The following PPFIA2 variants were observed in gnomAD, a reference collection of about 807,000 sequenced individuals.
PPFIA2 encodes PPFI scaffold protein A2, also known as liprin-alpha-2.
In PPFIA2, 46 loss-of-function variants were observed where a neutral mutation model predicts 175.5. That is an observed-to-expected ratio of 0.26 (90% CI 0.21 to 0.34). PPFIA2 has a LOEUF of 0.34. Among genes scored for constraint, PPFIA2 ranks in the 10% least tolerant of loss-of-function variants. PPFIA2 has a pLI of 1.00. For synonymous variants in PPFIA2, 568 were observed against 511.4 expected, an observed-to-expected ratio of 1.11 and a Z score of -1.49; for missense variants, 1,179 against 1,506.1, an observed-to-expected ratio of 0.78 and a Z score of 3.60.
At chr12:81,465,810 T>C (rs1265739208) in intron 4 of PPFIA2, among the ~76,000 whole-genome samples, 1 of 152,180 alleles carries the variant, frequency 6.6e-6, no homozygotes, top group Non-Finnish European at 1.5e-5. Context: ...CTACACTTAG[T>C]ATATTTGCTG....
At chr12:81,267,728 ATTTTTT>A (rs137975780) in intron 29 of PPFIA2, among the ~76,000 whole-genome samples, 178 bp downstream of exon 29, 8 of 77,774 alleles carry the variant, frequency 1.0e-4, no homozygotes, top group African/African-American at 3.1e-4. Flanking sequence ...TAATTGTATG[ATTTTTT>A]TTTTTTTTTT....
chr12:81,351,397 A>G (rs937597727), intron 17 of PPFIA2, among the ~76,000 whole-genome samples: 4 of 152,126 alleles, frequency 2.6e-5, no homozygotes, highest in African/African-American at 4.8e-5. Flanking sequence ...TATGTCCCCA[A>G]AATGCTAGGG....
intron 4 of PPFIA2, among the ~76,000 whole-genome samples, chr12:81,618,537 T>C (rs1384866973): frequency 6.8e-6 from 1 of 147,380 alleles, no homozygotes; most frequent in Non-Finnish European, 1.5e-5. Flanking sequence ...TTTTTTTTTT[T>C]TTTTTTTTTG....
At chr12:81,626,238 C>G (rs549967298) in intron 4 of PPFIA2, among the ~76,000 whole-genome samples, 3 of 151,794 alleles carry the variant, frequency 2.0e-5, no homozygotes, top group East Asian at 1.9e-4. Flanking sequence ...GATGGGGGCT[C>G]TAAAGCTATC....
intron 4 of PPFIA2, 78 bp downstream of exon 4, chr12:81,676,713 A>G: frequency 1.0e-6 from 1 of 981,058 alleles, no homozygotes; most frequent in Non-Finnish European, 1.4e-6. Flanking sequence ...CAAATAATAT[A>G]CAAGCAATCA....
At chr12:81,294,707 A>G in intron 24 of PPFIA2, 128 bp downstream of exon 24, 1 of 865,312 alleles carries the variant, frequency 1.2e-6, no homozygotes, top group Non-Finnish European at 1.8e-6. Context: ...AATAAAGAGC[A>G]AGCTTAATCT....
At chr12:81,707,938 C>G (rs1474665565) in intron 3 of PPFIA2, among the ~76,000 whole-genome samples, 14 of 148,928 alleles carry the variant, frequency 9.4e-5, no homozygotes, top group Non-Finnish European at 1.5e-5. Context: ...AACCAAACAT[C>G]ACATATTCTC....
At chr12:81,395,683 G>A (rs769402986) in intron 8 of PPFIA2, among the ~76,000 whole-genome samples, 6 of 152,048 alleles carry the variant, frequency 3.9e-5, no homozygotes, top group Non-Finnish European at 7.4e-5. Flanking sequence ...GAAATTGGGA[G>A]TCGTCATGCC....
intron 4 of PPFIA2, among the ~76,000 whole-genome samples, chr12:81,554,487 CTTA>C (rs2068494858): frequency 6.6e-6 from 1 of 151,956 alleles, no homozygotes; most frequent in Non-Finnish European, 1.5e-5. Flanking sequence ...TTCCAATTTT[CTTA>C]TTATAATGGA....
chr12:81,541,011 C>T (rs2066129997), intron 4 of PPFIA2, among the ~76,000 whole-genome samples: 1 of 152,028 alleles, frequency 6.6e-6, no homozygotes, highest in Non-Finnish European at 1.5e-5. Context: ...TATTCCCATG[C>T]AAATTCTTGC....
chr12:81,478,068 T>C (rs1329214306), intron 4 of PPFIA2, among the ~76,000 whole-genome samples: 4 of 152,156 alleles, frequency 2.6e-5, no homozygotes, highest in African/African-American at 9.7e-5. Flanking sequence ...AGGCTATTAA[T>C]TACTGCCTCA....
intron 22 of PPFIA2, among the ~76,000 whole-genome samples, chr12:81,319,105 T>C (rs1566113824): frequency 1.3e-5 from 2 of 151,742 alleles, no homozygotes; most frequent in Non-Finnish European, 3.0e-5. Context: ...ATCAAAAATG[T>C]TTCTCCTGGC....
At chr12:81,634,164 C>G (rs1034926004) in intron 4 of PPFIA2, among the ~76,000 whole-genome samples, 1 of 151,988 alleles carries the variant, frequency 6.6e-6, no homozygotes, top group African/African-American at 2.4e-5. Context: ...AGGTTTTGTT[C>G]TCATGGGCTG....
intron 6 of PPFIA2, among the ~76,000 whole-genome samples, chr12:81,444,542 G>T (rs2050859870): frequency 6.6e-6 from 1 of 151,668 alleles, no homozygotes; most frequent in African/African-American, 2.4e-5. Context: ...TATACTAATT[G>T]CCTCTCGTTG....
intron 3 of PPFIA2, among the ~76,000 whole-genome samples, chr12:81,734,202 G>T (rs2081286392): frequency 6.6e-6 from 1 of 151,728 alleles, no homozygotes; most frequent in African/African-American, 2.4e-5. Flanking sequence ...TCTAACCCCA[G>T]GTGAACCTCT....
Position 81,542,336 on chromosome 12 carries a change from T to C in PPFIA2, c.304-84470A>G, listed in dbSNP as rs571222781. 1.4e-3 allele frequency among the ~76,000 whole-genome samples: 212 copies of C among 152,262 alleles called. 1 individual carries two copies. The highest frequency in any genetic ancestry group is 2.7e-3 in the Non-Finnish European group (181 of 68,006). ...AGGAGCCTTGGGAAAGGAGCATGGC[T>C]CTGCCAGCACCTCACTTTAGGACTT... is the stretch of plus-strand genomic sequence containing the variant. On this transcript the variant is annotated intron_variant, in intron 4 of 32. Transcript: ENST00000549396.
At chr12:81,408,015 G>C (rs1267118756) in intron 7 of PPFIA2, among the ~76,000 whole-genome samples, 1 of 151,904 alleles carries the variant, frequency 6.6e-6, no homozygotes, top group African/African-American at 2.4e-5. Flanking sequence ...TTATGTGCAG[G>C]GTATTCACTA....
At chr12:81,693,526 T>G (rs1164889640) in intron 3 of PPFIA2, among the ~76,000 whole-genome samples, 2 of 152,258 alleles carry the variant, frequency 1.3e-5, no homozygotes, top group South Asian at 2.1e-4. Context: ...TTGTAAAGCC[T>G]GCAGAACTGT....
intron 21 of PPFIA2, among the ~76,000 whole-genome samples, chr12:81,332,646 C>T (rs758533448): frequency 3.7e-4 from 56 of 152,138 alleles, no homozygotes; most frequent in Non-Finnish European, 6.0e-4. Context: ...ATGTTATATA[C>T]TTCTTGAATA....
Sources: gnomAD v4.1 joint callset for allele counts (sites outside exome capture counted in the v4.1 genomes callset) on GRCh38, gnomAD v4.1.1 for gene constraint, MANE v1.5 for transcripts, NCBI Gene and HGNC (gene_info 2026-07-23, HGNC 2026-07-21) for gene names.